The following FHOD3 variants were observed in gnomAD, a reference collection of about 807,000 sequenced individuals.
FHOD3 encodes the protein FH1/FH2 domain-containing protein 3.
Under a neutral mutation model 173.0 loss-of-function variants are expected in FHOD3, and 90 were observed. The observed-to-expected ratio is 0.52, with a 90% CI of 0.44 to 0.62. The LOEUF is 0.62. Among genes scored for constraint, FHOD3 ranks in the 20% least tolerant of loss-of-function variants. The pLI is 0.00. For synonymous variants in FHOD3, 828 were observed against 823.0 expected, an observed-to-expected ratio of 1.01 and a Z score of -0.10; for missense variants, 1,945 against 2,034.7, an observed-to-expected ratio of 0.96 and a Z score of 0.85.
chr18:36,455,243 C>A (rs2052113592), intron 3 of FHOD3, among the ~76,000 whole-genome samples: 1 of 152,202 alleles, frequency 6.6e-6, no homozygotes, highest in Admixed American at 6.5e-5. Flanking sequence ...TATCCTGCAG[C>A]AAACCTTCCT....
At chr18:36,611,294 C>T (rs1480699844) in intron 8 of FHOD3, among the ~76,000 whole-genome samples, 6 of 152,334 alleles carry the variant, frequency 3.9e-5, no homozygotes, top group South Asian at 4.1e-4. Context: ...CAGCTTCAGA[C>T]AACATCCATG....
chr18:36,540,896 A>C (rs1172790881), intron 5 of FHOD3, among the ~76,000 whole-genome samples: 3 of 152,248 alleles, frequency 2.0e-5, no homozygotes, highest in Admixed American at 2.0e-4. Flanking sequence ...AACAACAGTA[A>C]ATGTGTTTGG....
chr18:36,720,504 C>G (rs1036561851), intron 19 of FHOD3, among the ~76,000 whole-genome samples: 2 of 152,126 alleles, frequency 1.3e-5, no homozygotes, highest in African/African-American at 4.8e-5. Context: ...TCCCCAAGTG[C>G]TAGGATTACA....
intron 2 of FHOD3, 52 bp downstream of exon 2, chr18:36,355,697 G>A (rs1176237685): frequency 6.8e-7 from 1 of 1,474,780 alleles, no homozygotes; most frequent in African/African-American, 1.4e-5. Context: ...CAGGAAATGG[G>A]GGTACATTGA....
intron 5 of FHOD3, among the ~76,000 whole-genome samples, chr18:36,559,556 C>T (rs896965795): frequency 5.3e-5 from 8 of 152,190 alleles, no homozygotes; most frequent in East Asian, 3.8e-4. Flanking sequence ...TACATTTTAG[C>T]ATCTTGCTTG....
chr18:36,380,405 G>A (rs955697986), intron 3 of FHOD3, among the ~76,000 whole-genome samples: 2 of 151,960 alleles, frequency 1.3e-5, no homozygotes, highest in African/African-American at 2.4e-5. Context: ...ATAGAGCCAC[G>A]TTACTGGTCA....
intron 3 of FHOD3, among the ~76,000 whole-genome samples, chr18:36,461,459 GT>G (rs113378884): frequency 0.047 from 6,451 of 138,096 alleles, 200 homozygotes; most frequent in African/African-American, 0.11. Flanking sequence ...TTGTGTGTGT[GT>G]TTTTTTTTTT....
chr18:36,307,028 G>A (rs948558038), intron 1 of FHOD3, among the ~76,000 whole-genome samples: 1 of 152,142 alleles, frequency 6.6e-6, no homozygotes, highest in Non-Finnish European at 1.5e-5. Flanking sequence ...CAGTGGCACA[G>A]TCTCGGTTCA....
chr18:36,499,846 T>C (rs1043948618), intron 3 of FHOD3, among the ~76,000 whole-genome samples: 8 of 152,172 alleles, frequency 5.3e-5, no homozygotes, highest in African/African-American at 1.9e-4. Context: ...TGCATTTTTC[T>C]CTTAATCACA....
chr18:36,636,527 C>T (rs1309302945), intron 10 of FHOD3, among the ~76,000 whole-genome samples: 2 of 152,104 alleles, frequency 1.3e-5, no homozygotes, highest in African/African-American at 2.4e-5. Context: ...TGCCTTTGAT[C>T]GTCCCGAGAG....
intron 3 of FHOD3, among the ~76,000 whole-genome samples, chr18:36,424,089 C>G (rs1224511878): frequency 2.6e-5 from 4 of 152,156 alleles, no homozygotes; most frequent in African/African-American, 9.7e-5. Context: ...CCTAAAGCAT[C>G]TCCCACCTAC....
At chr18:36,675,938 T>G (rs377536550) in intron 14 of FHOD3, among the ~76,000 whole-genome samples, 9 of 152,320 alleles carry the variant, frequency 5.9e-5, no homozygotes, top group African/African-American at 1.7e-4. Context: ...ATCTAACTAT[T>G]GATGTTCAGT....
chr18:36,466,977 A>G (rs895818034), intron 3 of FHOD3, among the ~76,000 whole-genome samples: 1 of 151,982 alleles, frequency 6.6e-6, no homozygotes, highest in African/African-American at 2.4e-5. Context: ...AAGGGACCCT[A>G]GATTTTAAAA....
At chr18:36,496,090 T>C (rs1246505255) in intron 3 of FHOD3, among the ~76,000 whole-genome samples, 1 of 152,190 alleles carries the variant, frequency 6.6e-6, no homozygotes, top group Non-Finnish European at 1.5e-5. Flanking sequence ...GAAGTTTCTG[T>C]GTGGTGAAAC....
chr18:36,463,433 T>A (rs1568305086), intron 3 of FHOD3, among the ~76,000 whole-genome samples: 10 of 94,748 alleles, frequency 1.1e-4, no homozygotes, highest in Non-Finnish European at 1.4e-4. Context: ...TATTTTTATT[T>A]AAAAAATATA....
chr18:36,572,485 G>A (rs2058488336), intron 5 of FHOD3, among the ~76,000 whole-genome samples: 1 of 152,098 alleles, frequency 6.6e-6, no homozygotes, highest in African/African-American at 2.4e-5. Flanking sequence ...GTAGTAGTGG[G>A]TAGGTACAAA....
intron 10 of FHOD3, among the ~76,000 whole-genome samples, chr18:36,626,087 C>CTCTA (rs2034087568): frequency 6.6e-6 from 1 of 152,126 alleles, no homozygotes; most frequent in Non-Finnish European, 1.5e-5. Context: ...AAACTTTGGC[C>CTCTA]TAGAAATAAC....
At chr18:36,708,583 G>A (rs1296617935) in intron 17 of FHOD3, among the ~76,000 whole-genome samples, 1 of 152,190 alleles carries the variant, frequency 6.6e-6, no homozygotes, top group Middle Eastern at 3.2e-3. Context: ...GGCTGCGGCT[G>A]GCTGGGCTCT....
At chr18:36,429,642 G>A (rs1470715367) in intron 3 of FHOD3, among the ~76,000 whole-genome samples, 3 of 152,174 alleles carry the variant, frequency 2.0e-5, no homozygotes, top group African/African-American at 4.8e-5. Context: ...AGGAGATCAA[G>A]GTGAAAAGGA....
Sources: allele counts gnomAD v4.1 joint callset (sites outside exome capture counted in the v4.1 genomes callset), GRCh38; gene constraint gnomAD v4.1.1; transcripts MANE v1.5; gene names NCBI Gene and HGNC (gene_info 2026-07-23, HGNC 2026-07-21).